RNF144A: variants seen among roughly 807,000 people sequenced by gnomAD.
RNF144A encodes E3 ubiquitin-protein ligase RNF144A.
RNF144A carries 11 observed loss-of-function variants against 38.7 expected under a neutral mutation model. The ratio of observed to expected loss-of-function variants is 0.28; its 90% confidence interval spans 0.18 to 0.47. The LOEUF is 0.47. Ranked by LOEUF, RNF144A falls within the 20% of genes least tolerant of loss-of-function variation. RNF144A has a pLI of 0.99. For missense variants in RNF144A, 316 were observed against 377.2 expected (o/e 0.84, Z 1.34); for synonymous variants, 149 against 143.9 (o/e 1.04, Z -0.25).
Position 7,044,163 on chromosome 2 carries a change from C to T in RNF144A, c.*4403C>T. On this transcript the variant is annotated 3_prime_UTR_variant, in exon 9 of 9. Coordinates refer to ENST00000320892, the MANE Select transcript of RNF144A (RefSeq NM_014746.6). ...TTTTAAAGCTATTTTGGCTGGAATA[C>T]AGGTGACTTTTGTAAACCCCGCGTG... 1.0e-6 allele frequency: 1 copy of T among 985,670 alleles called. No homozygotes were observed. The highest frequency in any genetic ancestry group is 1.2e-6 in the Non-Finnish European group (1 of 829,926). The allele number at this position is 985,670 out of a possible 1,614,324, so 61.1% of individuals were successfully genotyped here.
rs1444242773 is a variant in RNF144A at position 6,917,881 on chromosome 2, C to T, written c.-212+259C>T. Among the ~76,000 whole-genome samples, 2 of 151,278 alleles carry T rather than the reference C, an allele frequency of 1.3e-5. No homozygotes were observed. The highest frequency in any genetic ancestry group is 3.0e-5 in the Non-Finnish European group (2 of 67,730). On this transcript the variant is annotated intron_variant, in intron 1 of 8. Transcript: ENST00000320892. This position sits in a 1 kb window ranked among gnomAD's most constrained non-coding sequence, Gnocchi z 4.8. Reference sequence around the variant, plus strand: ...TCGTCCCTGCTCTGCTCCTGCCCTGCCCTGCCTCTCGCAGGCGGCGCCCGC... The same window carrying T: ...TCGTCCCTGCTCTGCTCCTGCCCTGTCCTGCCTCTCGCAGGCGGCGCCCGC...
intron 2 of RNF144A, among the ~76,000 whole-genome samples, chr2:6,966,394 G>A (rs1053681602): frequency 4.6e-5 from 7 of 152,206 alleles, no homozygotes; most frequent in African/African-American, 1.4e-4. Context: ...AATGTTGGAT[G>A]TTTTCTTCAC....
Position 6,951,778 on chromosome 2 carries a change from T to C in RNF144A, c.-12+10631T>C, listed in dbSNP as rs564799935. On this transcript the variant is annotated intron_variant, in intron 2 of 8. Coordinates refer to ENST00000320892, the MANE Select transcript of RNF144A (RefSeq NM_014746.6). ...TTACCTTTTTAATATTGATCTTGCA[T>C]CTAGTCACTTTACCAAACCTTTGGT... is the stretch of plus-strand genomic sequence containing the variant. 1.3e-3 allele frequency among the ~76,000 whole-genome samples: 196 copies of C among 152,344 alleles called. 2 individuals carry two copies. The highest frequency in any genetic ancestry group is 9.6e-4 in the East Asian group (5 of 5,186).
chr2:6,995,301 G>A (rs925309085), intron 2 of RNF144A, among the ~76,000 whole-genome samples: 14 of 152,082 alleles, frequency 9.2e-5, no homozygotes, highest in South Asian at 2.1e-4. Context: ...GGCACACAGC[G>A]GCATCGTCAG....
At position 6,944,030 on chromosome 2, in the gene RNF144A, A is replaced by G. The variant is rs1666181818; in HGVS notation, c.-12+2883A>G. On this transcript the variant is annotated intron_variant, in intron 2 of 8. Transcript: ENST00000320892. This position sits in a 1 kb window ranked among gnomAD's most constrained non-coding sequence, Gnocchi z 4.7. Reference sequence around the variant, plus strand: ...TCAAGGATTGAGTGATCTTTTGGCCAAGCTGAGAGGGACACAGTGAAAGAA... The same window carrying G: ...TCAAGGATTGAGTGATCTTTTGGCCGAGCTGAGAGGGACACAGTGAAAGAA... 1.3e-5 allele frequency among the ~76,000 whole-genome samples: 2 copies of G among 152,166 alleles called. No individual in the cohort carries two copies.
downstream of RNF144A, among the ~76,000 whole-genome samples, chr2:7,069,569 C>T (rs997380040): frequency 6.6e-6 from 1 of 152,236 alleles, no homozygotes; most frequent in African/African-American, 2.4e-5. Flanking sequence ...CCCACTCCTT[C>T]TCTTTCATCT....
chr2:6,930,029 T>G (rs567405187), intron 1 of RNF144A, among the ~76,000 whole-genome samples: 1 of 152,374 alleles, frequency 6.6e-6, no homozygotes, highest in East Asian at 1.9e-4. Context: ...TATTTTTATT[T>G]GCAATGGCAT....
intron 8 of RNF144A, among the ~76,000 whole-genome samples, chr2:7,031,022 G>A (rs962271887): frequency 2.6e-5 from 4 of 152,128 alleles, no homozygotes; most frequent in Non-Finnish European, 2.9e-5. Context: ...GACAGGAGGT[G>A]GGGCTCAGGC....
the RNF144A span, among the ~76,000 whole-genome samples, chr2:7,075,666 C>G: frequency 6.6e-6 from 1 of 152,156 alleles, no homozygotes; most frequent in Non-Finnish European, 1.5e-5. Flanking sequence ...TGATCTTGGA[C>G]TTTTCAGCCT....
chr2:7,041,659 C>T lies in RNF144A; in HGVS notation c.*1899C>T, dbSNP rs367550143. The T allele has an allele frequency of 3.2e-4, 318 of 985,580 alleles. 4 individuals carry two copies. Among genetic ancestry groups the T allele is most frequent in the Middle Eastern group, 2.1e-3 (4 of 1,914 alleles). The allele number at this position is 985,580 out of a possible 1,614,324, so 61.1% of individuals were successfully genotyped here. ...CTCAGCCTGTGATATGTGGATGCAG[C>T]TGTCCAGCCACTGCCCTTTAACATG... is the stretch of plus-strand genomic sequence containing the variant. On this transcript the variant is annotated 3_prime_UTR_variant, in exon 9 of 9. Coordinates refer to ENST00000320892, the MANE Select transcript of RNF144A (RefSeq NM_014746.6).
intron 2 of RNF144A, among the ~76,000 whole-genome samples, chr2:6,970,026 C>T (rs1401770210): frequency 6.6e-6 from 1 of 152,222 alleles, no homozygotes; most frequent in Non-Finnish European, 1.5e-5. Context: ...TCCCAAAGTG[C>T]TGGGATTACA....
chr2:6,952,759 A>G (rs1039654644), intron 2 of RNF144A, among the ~76,000 whole-genome samples: 9 of 151,998 alleles, frequency 5.9e-5, no homozygotes, highest in Admixed American at 1.3e-4. Flanking sequence ...TTACTATGGT[A>G]TGCAGGTTAA....
At chr2:6,999,956 G>C (rs1352749020) in intron 3 of RNF144A, among the ~76,000 whole-genome samples, 1 of 152,218 alleles carries the variant, frequency 6.6e-6, no homozygotes, top group Non-Finnish European at 1.5e-5. Flanking sequence ...CCAAGAGCAG[G>C]AGGAATGTAC....
chr2:6,950,263 TG>T (rs1666596622), intron 2 of RNF144A, among the ~76,000 whole-genome samples: 1 of 152,360 alleles, frequency 6.6e-6, no homozygotes, highest in Admixed American at 6.5e-5. Flanking sequence ...CGTTCTTTAT[TG>T]CTAAACCTTA....
rs1343672440 is a variant in RNF144A, at chr2:6,919,213, G to A, written c.-212+1591G>A. Among the ~76,000 whole-genome samples, 5 of 152,120 alleles carry A rather than the reference G, an allele frequency of 3.3e-5. No individual in the cohort carries two copies. The South Asian group carries it at 8.3e-4, about 25-fold the overall frequency. On this transcript the variant is annotated intron_variant, in intron 1 of 8. Coordinates refer to ENST00000320892, the MANE Select transcript of RNF144A (RefSeq NM_014746.6). ...GGGGCAGGTCAGAGGTGGCAGGAAG[G>A]GCCTCTGTCCAGAGAGAGCTGCTCC...
chr2:6,926,774 T>C (rs1005819468), intron 1 of RNF144A, among the ~76,000 whole-genome samples: 18 of 152,384 alleles, frequency 1.2e-4, no homozygotes, highest in South Asian at 4.1e-4. Flanking sequence ...CACTATAATA[T>C]TCATGAATAT....
At chr2:6,994,483 C>A (rs1669592916) in intron 2 of RNF144A, among the ~76,000 whole-genome samples, 1 of 151,716 alleles carries the variant, frequency 6.6e-6, no homozygotes, top group African/African-American at 2.4e-5. Flanking sequence ...CCCAGAAAAC[C>A]CCATGTAGAG....
intron 1 of RNF144A, among the ~76,000 whole-genome samples, chr2:6,921,295 C>G (rs188386714): frequency 3.3e-5 from 5 of 152,318 alleles, no homozygotes; most frequent in Admixed American, 2.6e-4. Flanking sequence ...GGCTTATAAG[C>G]TGGATGCAGT....
chr2:7,010,807 CT>C (rs1324019758), intron 3 of RNF144A, among the ~76,000 whole-genome samples: 1 of 152,160 alleles, frequency 6.6e-6, no homozygotes, highest in Non-Finnish European at 1.5e-5. Flanking sequence ...GGTGGGACCC[CT>C]CCTCTCTACC....
Sources: allele counts gnomAD v4.1 joint callset (sites outside exome capture counted in the v4.1 genomes callset), GRCh38; gene constraint gnomAD v4.1.1; non-coding constraint Gnocchi (gnomAD v3.1); transcripts MANE v1.5; gene names NCBI Gene and HGNC (gene_info 2026-07-23, HGNC 2026-07-21).